ADGRL2: variants seen among roughly 807,000 people sequenced by gnomAD.
ADGRL2 encodes the protein calcium-independent alpha-latrotoxin receptor 2.
Under a neutral mutation model 157.4 loss-of-function variants are expected in ADGRL2, and 44 were observed. The ratio of observed to expected loss-of-function variants is 0.28; its 90% CI spans 0.22 to 0.36. ADGRL2 has a LOEUF of 0.36. Ranked by LOEUF, ADGRL2 falls within the 10% of genes least tolerant of loss-of-function variation. ADGRL2 has a pLI of 1.00. For missense variants in ADGRL2, 1,510 were observed against 1,768.9 expected (o/e 0.85, Z 2.63); for synonymous variants, 585 against 624.7 (o/e 0.94, Z 0.95).
chr1:81,725,034 T>A (rs1220629543), intron 1 of ADGRL2, among the ~76,000 whole-genome samples: 8 of 150,508 alleles, frequency 5.3e-5, no homozygotes, highest in Non-Finnish European at 7.4e-5. Flanking sequence ...TGAAACCCTG[T>A]CTCTACTAAA....
intron 2 of ADGRL2, among the ~76,000 whole-genome samples, chr1:81,762,374 A>G (rs1347430377): frequency 6.6e-6 from 1 of 152,162 alleles, no homozygotes; most frequent in African/African-American, 2.4e-5. Context: ...TAGCCACTAT[A>G]TGATTTTGGT....
At chr1:81,438,150 C>T (rs555630933) in intron 1 of ADGRL2, among the ~76,000 whole-genome samples, 1 of 151,800 alleles carries the variant, frequency 6.6e-6, no homozygotes, top group Admixed American at 6.6e-5. Context: ...TTCCTGGAAC[C>T]ATCTCCCAAA....
At chr1:81,755,133 G>T (rs1001881050) in intron 1 of ADGRL2, among the ~76,000 whole-genome samples, 4 of 127,062 alleles carry the variant, frequency 3.1e-5, no homozygotes, top group Admixed American at 8.5e-5. Flanking sequence ...TAGATTTAAA[G>T]ATATATATAT....
intron 1 of ADGRL2, among the ~76,000 whole-genome samples, chr1:81,444,837 C>A (rs2077572220): frequency 6.6e-6 from 1 of 152,192 alleles, no homozygotes; most frequent in Admixed American, 6.5e-5. Flanking sequence ...ACTTAAAACA[C>A]AGGGACACAA....
At chr1:81,964,862 C>T (rs984774717) in intron 11 of ADGRL2, among the ~76,000 whole-genome samples, 2 of 151,684 alleles carry the variant, frequency 1.3e-5, no homozygotes, top group African/African-American at 4.8e-5. Context: ...TCATATAATT[C>T]CTTAGATTTC....
intron 3 of ADGRL2, among the ~76,000 whole-genome samples, chr1:81,640,383 C>A (rs2082195290): frequency 6.6e-6 from 1 of 152,018 alleles, no homozygotes. Flanking sequence ...ACCTGTAATC[C>A]CGGCACTTTG....
intron 2 of ADGRL2, among the ~76,000 whole-genome samples, chr1:81,525,184 T>C (rs1158384009): frequency 1.3e-5 from 2 of 152,166 alleles, no homozygotes; most frequent in Non-Finnish European, 2.9e-5. Context: ...CAGGCACATA[T>C]TTTCTAACTG....
intron 2 of ADGRL2, among the ~76,000 whole-genome samples, chr1:81,891,003 T>C (rs2094249367): frequency 6.6e-6 from 1 of 152,080 alleles, no homozygotes; most frequent in Non-Finnish European, 1.5e-5. Context: ...CTCTTATTAC[T>C]GAACCTAGTT....
chr1:81,316,781 T>C (rs1193769151), intron 1 of ADGRL2, among the ~76,000 whole-genome samples: 2 of 152,220 alleles, frequency 1.3e-5, no homozygotes, highest in African/African-American at 4.8e-5. Context: ...TGTGTATGTA[T>C]GTATGTGTAT....
upstream of ADGRL2, among the ~76,000 whole-genome samples, chr1:81,698,376 G>A (rs1163899427): frequency 1.3e-5 from 2 of 152,170 alleles, no homozygotes; most frequent in African/African-American, 4.8e-5. Context: ...GCCTTCAAGA[G>A]TTTGTAGGTT....
At chr1:81,484,716 AATC>A (rs1236472070) in intron 2 of ADGRL2, among the ~76,000 whole-genome samples, 10 of 152,126 alleles carry the variant, frequency 6.6e-5, no homozygotes, top group Non-Finnish European at 1.3e-4. Context: ...ATGGAAAAAA[AATC>A]ATCGTCTTAG....
At chr1:81,323,135 G>A (rs186522978) in intron 1 of ADGRL2, among the ~76,000 whole-genome samples, 1 of 152,242 alleles carries the variant, frequency 6.6e-6, no homozygotes, top group African/African-American at 2.4e-5. Flanking sequence ...TGGGATTACA[G>A]GTGTGAGCCA....
At chr1:81,843,804 A>G (rs2092688885) in intron 2 of ADGRL2, among the ~76,000 whole-genome samples, 1 of 152,202 alleles carries the variant, frequency 6.6e-6, no homozygotes, top group African/African-American at 2.4e-5. Flanking sequence ...GTGTCAGAAT[A>G]TGCCATGTTT....
At chr1:81,658,730 G>A (rs953530425) in intron 3 of ADGRL2, among the ~76,000 whole-genome samples, 2 of 152,002 alleles carry the variant, frequency 1.3e-5, no homozygotes, top group African/African-American at 4.8e-5. Context: ...TATGCAACTA[G>A]CTCTATTGAA....
chr1:81,778,569 A>G (rs1444202592), intron 2 of ADGRL2, among the ~76,000 whole-genome samples: 1 of 152,152 alleles, frequency 6.6e-6, no homozygotes, highest in Non-Finnish European at 1.5e-5. Context: ...GTCTTTTATA[A>G]TAAATATTAT....
intron 11 of ADGRL2, among the ~76,000 whole-genome samples, chr1:81,965,512 G>GA (rs1199399564): frequency 2.0e-5 from 3 of 150,392 alleles, no homozygotes; most frequent in Admixed American, 6.6e-5. Context: ...TTAGAAATTA[G>GA]AAAAAAAAAG....
intron 2 of ADGRL2, among the ~76,000 whole-genome samples, chr1:81,565,281 A>G (rs938957054): frequency 6.6e-6 from 1 of 152,212 alleles, no homozygotes; most frequent in African/African-American, 2.4e-5. Flanking sequence ...GCAACATACA[A>G]ATACAAACTT....
At chr1:81,472,575 C>T (rs2078193741) in intron 2 of ADGRL2, among the ~76,000 whole-genome samples, 1 of 151,704 alleles carries the variant, frequency 6.6e-6, no homozygotes, top group Non-Finnish European at 1.5e-5. Context: ...GGGGAGGTTG[C>T]AGTAAGCCAA....
At chr1:81,715,444 T>C (rs1476047617) in intron 1 of ADGRL2, among the ~76,000 whole-genome samples, 1 of 152,188 alleles carries the variant, frequency 6.6e-6, no homozygotes, top group Admixed American at 6.5e-5. Context: ...GTGAGATTTT[T>C]CTGTTAGTGT....
Sources: allele counts gnomAD v4.1 joint callset (sites outside exome capture counted in the v4.1 genomes callset), GRCh38; gene constraint gnomAD v4.1.1; transcripts MANE v1.5; gene names NCBI Gene and HGNC (gene_info 2026-07-23, HGNC 2026-07-21).